The following EXOC6 variants were observed in gnomAD, a reference collection of about 807,000 sequenced individuals.
EXOC6 encodes the protein SEC15-like 1.
In EXOC6, 60 loss-of-function variants were observed where a neutral mutation model predicts 112.5. That is an observed-to-expected ratio of 0.53 (90% confidence interval 0.43 to 0.66). EXOC6 has a LOEUF of 0.66. Ranked by LOEUF, EXOC6 falls within the 30% of genes least tolerant of loss-of-function variation. EXOC6 has a pLI of 0.00. For missense variants in EXOC6, 855 were observed against 957.1 expected (o/e 0.89, Z 1.41); for synonymous variants, 295 against 308.0 (o/e 0.96, Z 0.44).
chr10:92,844,166 G>T (rs1846968914), upstream of EXOC6, among the ~76,000 whole-genome samples: 1 of 149,772 alleles, frequency 6.7e-6, no homozygotes, highest in African/African-American at 2.5e-5. Flanking sequence ...AAAAAAAAAG[G>T]AAAAAAAAGA....
intron 1 of EXOC6, among the ~76,000 whole-genome samples, chr10:92,880,350 T>G (rs1291941995): frequency 6.6e-6 from 1 of 152,202 alleles, no homozygotes; most frequent in Non-Finnish European, 1.5e-5. Flanking sequence ...ACCACCCATT[T>G]TTTTTTTCCT....
Position 92,972,502 on chromosome 10 carries a change from A to AT in EXOC6, c.1774-1543dup, listed in dbSNP as rs200793986. ...ATGATGATTCCTGGAAAAAGGTGGAATTTTTTTTGGAACTGTGGTGCCACC... is the reference window on the plus strand; with the variant it reads ...ATGATGATTCCTGGAAAAAGGTGGAATTTTTTTTTGGAACTGTGGTGCCACC... On this transcript the variant is annotated intron_variant, in intron 17 of 21. Transcript: ENST00000260762. 3.3e-5 allele frequency among the ~76,000 whole-genome samples: 5 copies of AT among 152,070 alleles called. No individual in the cohort carries two copies. The East Asian group carries it at 5.8e-4, about 18-fold the overall frequency.
intron 1 of EXOC6, among the ~76,000 whole-genome samples, chr10:92,849,905 G>GT (rs758032752): frequency 6.6e-6 from 1 of 152,124 alleles, no homozygotes; most frequent in Non-Finnish European, 1.5e-5. Flanking sequence ...GTTCACTACT[G>GT]TATCCCTAAC....
At chr10:92,990,782 C>G (rs1843199024) in intron 18 of EXOC6, among the ~76,000 whole-genome samples, 2 of 152,150 alleles carry the variant, frequency 1.3e-5, no homozygotes, top group South Asian at 4.1e-4. Context: ...CCTCCCCCAA[C>G]CCCAGGGAGG....
At chr10:93,006,504 A>T (rs759246852) in intron 19 of EXOC6, among the ~76,000 whole-genome samples, 1 of 152,184 alleles carries the variant, frequency 6.6e-6, no homozygotes, top group Non-Finnish European at 1.5e-5. Context: ...GAGGTGATGA[A>T]GGTAGAGTAA....
intron 5 of EXOC6, among the ~76,000 whole-genome samples, chr10:92,905,934 C>T (rs1850419212): frequency 6.6e-6 from 1 of 152,092 alleles, no homozygotes; most frequent in African/African-American, 2.4e-5. Flanking sequence ...TTGTTAGAGG[C>T]TTGCTGAGGT....
chr10:92,952,511 G>T, intron 15 of EXOC6, 129 bp downstream of exon 15: 1 of 665,540 alleles, frequency 1.5e-6, no homozygotes, highest in Non-Finnish European at 2.7e-6. Context: ...TTGTTATAGG[G>T]GCATATTGTG....
chr10:92,974,307 C>T (rs1310947699), intron 18 of EXOC6, 75 bp downstream of exon 18: 9 of 1,048,252 alleles, frequency 8.6e-6, no homozygotes, highest in African/African-American at 6.6e-5. Flanking sequence ...TTTGAGGTTT[C>T]CTTGCTTAAA....
intron 8 of EXOC6, among the ~76,000 whole-genome samples, chr10:92,928,006 T>TA (rs879803785): frequency 3.9e-5 from 6 of 152,328 alleles, no homozygotes; most frequent in Non-Finnish European, 8.8e-5. Flanking sequence ...GCTCAGAAGT[T>TA]TAGGCTTTGA....
chr10:92,918,392 G>A (rs902664044), intron 7 of EXOC6, among the ~76,000 whole-genome samples: 3 of 151,314 alleles, frequency 2.0e-5, no homozygotes, highest in African/African-American at 7.3e-5. Flanking sequence ...TGGGTGAACA[G>A]CTGAGTGTTT....
intron 1 of EXOC6, among the ~76,000 whole-genome samples, chr10:92,848,953 G>T (rs986404004): frequency 2.0e-5 from 3 of 152,116 alleles, no homozygotes; most frequent in African/African-American, 7.2e-5. Flanking sequence ...TGCGGCCCCC[G>T]GGCCCGAGGA....
intron 14 of EXOC6, among the ~76,000 whole-genome samples, chr10:92,951,356 G>C (rs1170787165): frequency 6.6e-6 from 1 of 152,124 alleles, no homozygotes; most frequent in African/African-American, 2.4e-5. Context: ...ATTAAGTAAT[G>C]GCTAGAGGAA....
upstream of EXOC6, among the ~76,000 whole-genome samples, chr10:92,830,216 C>T (rs754208773): frequency 7.2e-5 from 11 of 152,130 alleles, no homozygotes; most frequent in South Asian, 2.1e-4. Context: ...ACCCCTTTCT[C>T]GTAACAAACA....
rs754238442 is a variant in EXOC6, at chr10:92,955,734, A to T, written c.1773+20A>T. 26 of 1,598,004 alleles carry T rather than the reference A, an allele frequency of 1.6e-5. 2 individuals carry two copies. In the South Asian group the frequency reaches 2.8e-4, roughly 17 times the overall value. ...TTCAAGGTATGTAAAAATTTGACCAAAAGTTTTCATTTCAGTCACTGTAAG... is the reference window on the plus strand; with the variant it reads ...TTCAAGGTATGTAAAAATTTGACCATAAGTTTTCATTTCAGTCACTGTAAG... On this transcript the variant is annotated intron_variant, in intron 17 of 21. Transcript: ENST00000260762.
chr10:92,976,139 C>T (rs940323899), intron 18 of EXOC6, among the ~76,000 whole-genome samples: 6 of 152,014 alleles, frequency 3.9e-5, no homozygotes, highest in Non-Finnish European at 8.8e-5. Context: ...AGTGAGGAGC[C>T]CCTCTGCCGG....
At chr10:92,854,167 T>C (rs952792445) in intron 1 of EXOC6, among the ~76,000 whole-genome samples, 1 of 152,058 alleles carries the variant, frequency 6.6e-6, no homozygotes, top group Non-Finnish European at 1.5e-5. Context: ...AGGCTGGGTG[T>C]AGTGGCTCAC....
intron 8 of EXOC6, among the ~76,000 whole-genome samples, chr10:92,923,560 G>T (rs1851556674): frequency 6.6e-6 from 1 of 152,164 alleles, no homozygotes; most frequent in African/African-American, 2.4e-5. Context: ...CTGGTAGAAG[G>T]CCTCAGTTCC....
chr10:92,852,981 T>A (rs1488939528), intron 1 of EXOC6, among the ~76,000 whole-genome samples: 5 of 152,158 alleles, frequency 3.3e-5, no homozygotes, highest in Admixed American at 6.5e-5. Flanking sequence ...TTGCACACTG[T>A]GTGATCAACT....
chr10:92,909,476 C>G lies in EXOC6; in HGVS notation c.508C>G (p.Pro170Ala), dbSNP rs763802976. ...GGAACAATTAGAGAATGTGTACTTTCCCTGGGTTAGTCAATACCGGTTTTG... is the reference window on the plus strand; with the variant it reads ...GGAACAATTAGAGAATGTGTACTTTGCCTGGGTTAGTCAATACCGGTTTTG... ...TMEQLENVYF[P>A]WVSQYRFCQL... Residue 170 changes from proline to alanine, a missense_variant, in exon 6 of 22, where the codon CCC (proline) becomes GCC (alanine). Around this residue, in one of 2 missense-constraint regions of EXOC6, gnomAD observed 405 missense variants for 393.6 expected, o/e 1.03. Transcript: ENST00000260762. 9.9e-6 allele frequency: 16 copies of G among 1,613,486 alleles called. No homozygotes were observed. The Admixed American group carries it at 1.7e-4, about 17-fold the overall frequency.
Sources: allele counts gnomAD v4.1 joint callset (sites outside exome capture counted in the v4.1 genomes callset), GRCh38; gene constraint gnomAD v4.1.1; regional missense constraint gnomAD v4.1.1; transcripts MANE v1.5; gene names NCBI Gene and HGNC (gene_info 2026-07-23, HGNC 2026-07-21).